The following MID2 variants were observed in gnomAD, a reference collection of about 807,000 sequenced individuals.
MID2 encodes probable E3 ubiquitin-protein ligase MID2.
A neutral mutation model predicts 46.1 loss-of-function variants in MID2; 13 were observed. The ratio of observed to expected loss-of-function variants is 0.28; its 90% CI spans 0.18 to 0.45. MID2 has a LOEUF of 0.45. Among genes scored for constraint, MID2 ranks in the 20% least tolerant of loss-of-function variants. MID2 has a pLI of 1.00. For synonymous variants in MID2, 199 were observed against 212.3 expected (o/e 0.94, Z 0.55); for missense variants, 431 against 575.4 (o/e 0.75, Z 2.57).
At chrX:107,889,187 C>A (rs1451415598) in intron 3 of MID2, among the ~76,000 whole-genome samples, 1 of 111,255 alleles carries the variant, frequency 9.0e-6, no homozygotes, top group Non-Finnish European at 1.9e-5. Context: ...TTATTTTGCT[C>A]GTTAGTTGAT....
chrX:107,916,003 G>T lies in MID2; in HGVS notation c.1075G>T (p.Val359Phe). The T allele has an allele frequency of 8.3e-7, 1 of 1,202,244 alleles. No homozygotes were observed. Among genetic ancestry groups the T allele is most frequent in the Non-Finnish European group, 1.1e-6 (1 of 892,229 alleles). Residue 359 changes from valine (V) to phenylalanine (F), a missense_variant and splice_region_variant, in exon 6 of 10, where the codon GTC becomes TTC. Val to Phe is a conservative substitution (Grantham distance 50, BLOSUM62 -1). Transcript: ENST00000262843. ...TTGATGTACTTTTCTCTTTTTCAGG[G>T]TCGCTATGGCAACTGCATCTTCTCA... ...LQSAKNIAER[V>F]AMATASSQVL...
intron 2 of MID2, among the ~76,000 whole-genome samples, chrX:107,849,032 G>A (rs1214516643): frequency 9.0e-6 from 1 of 111,221 alleles, no homozygotes; most frequent in East Asian, 2.8e-4. Context: ...TCAGGTTTGG[G>A]ATGAATTGGC....
chrX:107,916,420 T>C (rs1932971987), intron 6 of MID2, among the ~76,000 whole-genome samples: 1 of 112,217 alleles, frequency 8.9e-6, no homozygotes, highest in African/African-American at 3.2e-5. Context: ...AGTAATGTAT[T>C]GTTGCTAGTT....
intron 3 of MID2, among the ~76,000 whole-genome samples, chrX:107,891,223 G>A (rs758132455): frequency 9.2e-6 from 1 of 108,814 alleles, no homozygotes; most frequent in African/African-American, 3.3e-5. Flanking sequence ...GGGAGCTGTA[G>A]ACTGGAGCTG....
chrX:107,826,476 G>A, intron 1 of MID2, 46 bp downstream of exon 1: 1 of 1,122,710 alleles, frequency 8.9e-7, no homozygotes, highest in Middle Eastern at 3.1e-4. Flanking sequence ...GAGCGTCGTA[G>A]CCCTCGCAGG....
At chrX:107,854,385 T>A (rs185687682) in intron 2 of MID2, among the ~76,000 whole-genome samples, 1 of 112,497 alleles carries the variant, frequency 8.9e-6, no homozygotes, top group Non-Finnish European at 1.9e-5. Context: ...AATTCCTACA[T>A]CCACAAAGTC....
intron 3 of MID2, among the ~76,000 whole-genome samples, chrX:107,865,262 T>C (rs1602472351): frequency 8.9e-6 from 1 of 112,157 alleles, no homozygotes; most frequent in East Asian, 2.8e-4. Flanking sequence ...AAAACCAGTA[T>C]TATGTGAGCG....
At position 107,917,666 on chromosome X, in the gene MID2, T is replaced by C; in HGVS notation, c.1362T>C (p.Ser454=). Residue 454 remains serine (S), a synonymous_variant, in exon 7 of 10, where the codon AGT becomes AGC. Transcript: ENST00000262843. The stretch of plus-strand genomic sequence containing the variant: ...ACTTCATCAGTAAGTCATGGTGTAG[T>C]TGGGGCCTGTGGCCAGAGATAAGGA... ...QANFISKSWC[S]WGLWPEIRKC... The C allele has an allele frequency of 8.3e-7, 1 of 1,211,893 alleles. No homozygotes were observed. The highest frequency in any genetic ancestry group is 1.1e-6 in the Non-Finnish European group (1 of 895,563).
intron 3 of MID2, among the ~76,000 whole-genome samples, chrX:107,857,193 G>A (rs1931755997): frequency 8.9e-6 from 1 of 111,806 alleles, no homozygotes; most frequent in African/African-American, 3.3e-5. Flanking sequence ...TGATGACAGG[G>A]ACCCTACAGG....
At chrX:107,904,803 G>T (rs1932822960) in intron 4 of MID2, among the ~76,000 whole-genome samples, 1 of 111,759 alleles carries the variant, frequency 8.9e-6, no homozygotes, top group South Asian at 3.8e-4. Context: ...ACAGCTATAT[G>T]GTTTTAGGCT....
rs1050457332 is a variant in MID2 at position 107,834,013 on chromosome X, C to T, written c.5-6657C>T. On this transcript the variant is annotated intron_variant, in intron 1 of 9. Transcript: ENST00000262843. ...CTTGCCATGTTGCCCTGGCTGGTCT[C>T]GAATTCCTAGGCTCAAGCAATCTGC... Among the ~76,000 whole-genome samples, 31 of 111,065 alleles carry T rather than the reference C, an allele frequency of 2.8e-4. 1 individual carries two copies. The highest frequency in any genetic ancestry group is 3.8e-5 in the Non-Finnish European group (2 of 53,005).
chrX:107,903,997 T>A lies in MID2; in HGVS notation c.856T>A (p.Cys286Ser), dbSNP rs1198383030. 1 of 1,209,983 alleles carries A rather than the reference T, an allele frequency of 8.3e-7. No individual in the cohort carries two copies. The highest frequency in any genetic ancestry group is 1.7e-5 in the African/African-American group (1 of 57,771). The stretch of plus-strand genomic sequence containing the variant: ...GCATGAGGCAAAACTTATGGAAGAA[T>A]GTGACGAGTTGGTAGAGATCATCCA... The part of the protein sequence containing the change: ...AMHEAKLMEE[C>S]DELVEIIQQR... The change falls in exon 4 of 10, where the codon TGT (cysteine) becomes AGT (serine). Residue 286 changes from cysteine (C) to serine (S), a missense_variant. By Grantham distance (112) the Cys-to-Ser change is moderately radical (BLOSUM62 -1). Transcript: ENST00000262843.
At chrX:107,827,920 T>C (rs1190676988) in intron 1 of MID2, among the ~76,000 whole-genome samples, 1 of 112,556 alleles carries the variant, frequency 8.9e-6, no homozygotes, top group Non-Finnish European at 1.9e-5. Flanking sequence ...TTGTTATAGT[T>C]TGGATATTTA....
At chrX:107,836,862 A>G (rs1263663509) in intron 1 of MID2, among the ~76,000 whole-genome samples, 2 of 112,136 alleles carry the variant, frequency 1.8e-5, no homozygotes, top group Non-Finnish European at 3.8e-5. Context: ...AAAAGCTAAA[A>G]TAAGCAAGAG....
intron 3 of MID2, among the ~76,000 whole-genome samples, chrX:107,881,197 G>A (rs756075928): frequency 8.9e-6 from 1 of 112,509 alleles, no homozygotes; most frequent in Admixed American, 9.4e-5. Flanking sequence ...CTCAGAGAAA[G>A]ATTGTTGGAT....
chrX:107,836,317 C>T (rs1029913027), intron 1 of MID2, among the ~76,000 whole-genome samples: 3 of 110,468 alleles, frequency 2.7e-5, no homozygotes, highest in African/African-American at 9.9e-5. Context: ...TGCAATGACA[C>T]GATCTCGGCT....
Position 107,926,177 on chromosome X carries a change from A to G in MID2, c.1681A>G (p.Ser561Gly). 1.7e-6 allele frequency: 2 copies of G among 1,207,683 alleles called. No individual in the cohort carries two copies. The change falls in exon 9 of 10, where the codon AGC becomes GGC. Residue 561 changes from serine (S) to glycine (G), a missense_variant. Physicochemically the swap from Ser to Gly is moderately conservative, Grantham distance 56. Transcript: ENST00000262843. ...NDGLQMEKDE[S>G]SLKKSHTPER... ...TGGATTGCAGATGGAGAAGGATGAAAGCTCTCTAAAGAAGAGCCACACCCC... is the reference window on the plus strand; with the variant it reads ...TGGATTGCAGATGGAGAAGGATGAAGGCTCTCTAAAGAAGAGCCACACCCC...
chrX:107,855,315 T>C (rs1006931026), intron 3 of MID2, among the ~76,000 whole-genome samples: 1 of 112,022 alleles, frequency 8.9e-6, no homozygotes, highest in African/African-American at 3.2e-5. Flanking sequence ...TCAATTGTCA[T>C]CTACATCAAA....
chrX:107,909,527 C>T (rs769997293), intron 5 of MID2, among the ~76,000 whole-genome samples: 1 of 111,993 alleles, frequency 8.9e-6, no homozygotes, highest in South Asian at 3.7e-4. Flanking sequence ...GAACTCCAGC[C>T]AACTTCGTCC....
Sources: allele counts gnomAD v4.1 joint callset (sites outside exome capture counted in the v4.1 genomes callset), GRCh38; gene constraint gnomAD v4.1.1; transcripts MANE v1.5; gene names NCBI Gene and HGNC (gene_info 2026-07-23, HGNC 2026-07-21).